RBM19: variants seen among roughly 807,000 people sequenced by gnomAD.
RBM19 encodes RNA binding motif protein 19.
In RBM19, 94 loss-of-function variants were observed where a neutral mutation model predicts 116.8. That is an observed-to-expected ratio of 0.80 (90% CI 0.68 to 0.95). RBM19 has a LOEUF of 0.95. Among genes scored for constraint, RBM19 ranks in the 40% least tolerant of loss-of-function variants. The pLI, the probability that RBM19 is intolerant of heterozygous loss-of-function variation, is 0.00. For missense variants in RBM19, 1,161 were observed against 1,220.7 expected (o/e 0.95, Z 0.73); for synonymous variants, 475 against 494.1 (o/e 0.96, Z 0.51).
At chr12:113,862,155 T>C (rs777941683) in intron 21 of RBM19, among the ~76,000 whole-genome samples, 14 of 152,230 alleles carry the variant, frequency 9.2e-5, no homozygotes, top group African/African-American at 1.4e-4. Context: ...GACACCATCA[T>C]TGCTGCCATC....
At chr12:113,819,704 C>T (rs1358631576), downstream of RBM19, among the ~76,000 whole-genome samples, 1 of 152,178 alleles carries the variant, frequency 6.6e-6, no homozygotes, top group African/African-American at 2.4e-5. Flanking sequence ...TGCCTTGGCT[C>T]AAAGGCTTAG....
In RBM19 at chr12:113,920,645, G is replaced by A. The variant is rs111824990; in HGVS notation, c.2351C>T (p.Pro784Leu). 2.7e-5 allele frequency: 43 copies of A among 1,613,844 alleles called. No homozygotes were observed. Among genetic ancestry groups the A allele is most frequent in the African/African-American group, 1.7e-4 (13 of 74,840 alleles). The change falls in exon 19 of 24, where the codon CCG (proline) becomes CTG (leucine). Residue 784 changes from proline (P) to leucine (L), a missense_variant. Pro to Leu is a moderately conservative substitution (Grantham distance 98). Coordinates refer to ENST00000261741, the MANE Select transcript of RBM19 (RefSeq NM_016196.4). ...MGFGFVEYRKPEQAQKALKQL... is the reference protein window; with the variant it reads ...MGFGFVEYRKLEQAQKALKQL... ...CTTGAGAGCTTTCTGGGCTTGCTCC[G>A]GCTTCCTGTATTCCACAAATCCAAA...
At chr12:113,838,452 G>A (rs552606437) in intron 23 of RBM19, among the ~76,000 whole-genome samples, 2 of 152,108 alleles carry the variant, frequency 1.3e-5, no homozygotes, top group Non-Finnish European at 2.9e-5. Flanking sequence ...GGGAGAACAT[G>A]CAAACAACAT....
chr12:113,868,531 CT>C (rs1218083607), intron 21 of RBM19, among the ~76,000 whole-genome samples: 1 of 152,182 alleles, frequency 6.6e-6, no homozygotes, highest in Admixed American at 6.5e-5. Flanking sequence ...GTTCAGCAAG[CT>C]TTTCTGCTGC....
At chr12:113,933,612 T>A (rs1439184364) in intron 16 of RBM19, among the ~76,000 whole-genome samples, 1 of 152,144 alleles carries the variant, frequency 6.6e-6, no homozygotes, top group African/African-American at 2.4e-5. Flanking sequence ...AGGTAGGGGC[T>A]GTTGGACACA....
intron 21 of RBM19, among the ~76,000 whole-genome samples, chr12:113,871,487 C>T (rs1472854578): frequency 6.6e-6 from 1 of 152,196 alleles, no homozygotes; most frequent in Non-Finnish European, 1.5e-5. Context: ...ATAATTTTAG[C>T]TTTGCGACTA....
At chr12:113,925,817 C>T (rs555985618) in intron 17 of RBM19, among the ~76,000 whole-genome samples, 3 of 152,218 alleles carry the variant, frequency 2.0e-5, no homozygotes, top group African/African-American at 7.2e-5. Flanking sequence ...AACAATGATC[C>T]CGGATAATGA....
chr12:113,945,095 T>C (rs1026502281), intron 13 of RBM19, among the ~76,000 whole-genome samples: 3 of 152,200 alleles, frequency 2.0e-5, no homozygotes, highest in African/African-American at 7.2e-5. Flanking sequence ...GCAAAATCTC[T>C]TGTAGTGGAT....
chr12:113,943,801 C>T (rs1442009665), intron 13 of RBM19, among the ~76,000 whole-genome samples: 1 of 151,960 alleles, frequency 6.6e-6, no homozygotes, highest in Non-Finnish European at 1.5e-5. Flanking sequence ...CCAGCCTGGG[C>T]AACAAGAGGA....
At chr12:113,888,526 A>G (rs190829338) in intron 21 of RBM19, among the ~76,000 whole-genome samples, 1 of 152,300 alleles carries the variant, frequency 6.6e-6, no homozygotes, top group Admixed American at 6.5e-5. Context: ...CGTATATTGT[A>G]TATGATTTTT....
At chr12:113,855,098 C>T (rs1278649757) in intron 22 of RBM19, among the ~76,000 whole-genome samples, 2 of 152,266 alleles carry the variant, frequency 1.3e-5, no homozygotes, top group Middle Eastern at 3.4e-3. Flanking sequence ...AGGATATGCA[C>T]AGTGGGACGT....
chr12:113,952,665 T>C (rs1871574488), intron 7 of RBM19, 75 bp from the exon 8 acceptor site: 1 of 1,191,444 alleles, frequency 8.4e-7, no homozygotes, highest in Non-Finnish European at 1.2e-6. Context: ...ATGGGGCAAA[T>C]TTCTAAATCA....
At chr12:113,895,247 C>G (rs935168613) in intron 21 of RBM19, among the ~76,000 whole-genome samples, 5 of 152,204 alleles carry the variant, frequency 3.3e-5, no homozygotes, top group South Asian at 2.1e-4. Flanking sequence ...GCAAGGTGGC[C>G]TGCCAGGAAG....
At position 113,879,113 on chromosome 12, in the gene RBM19, C is replaced by T. The variant is rs1322821335; in HGVS notation, c.2559-20217G>A. Among the ~76,000 whole-genome samples the T allele has an allele frequency of 2.0e-5, 3 of 152,144 alleles. No homozygotes were observed. In the South Asian group the frequency reaches 6.2e-4, roughly 31 times the overall value. Reference sequence around the variant, plus strand: ...CAGCGTTCTGCCCCTCCTGGCCACCCATCCTGCCCTGGGAGCTTGCTCAAT... The same window carrying T: ...CAGCGTTCTGCCCCTCCTGGCCACCTATCCTGCCCTGGGAGCTTGCTCAAT... On this transcript the variant is annotated intron_variant, in intron 21 of 23. Coordinates refer to ENST00000261741, the MANE Select transcript of RBM19 (RefSeq NM_016196.4).
chr12:113,889,799 C>T (rs765415511), intron 21 of RBM19, among the ~76,000 whole-genome samples: 4 of 151,678 alleles, frequency 2.6e-5, no homozygotes, highest in Non-Finnish European at 5.9e-5. Context: ...TGGAAAGAAA[C>T]ACATGTGGAA....
At chr12:113,876,373 C>A (rs901837395) in intron 21 of RBM19, among the ~76,000 whole-genome samples, 1 of 152,302 alleles carries the variant, frequency 6.6e-6, no homozygotes, top group East Asian at 1.9e-4. Context: ...CACTTGGCCT[C>A]GGCTTGCCCA....
intron 10 of RBM19, among the ~76,000 whole-genome samples, chr12:113,947,867 CT>C (rs61415724): frequency 0.16 from 24,947 of 152,170 alleles, 2,788 homozygotes; most frequent in African/African-American, 0.32. Context: ...GGTTTCAACT[CT>C]GAATGCCAGG....
intron 21 of RBM19, among the ~76,000 whole-genome samples, chr12:113,889,604 CCA>C (rs1312956882): frequency 1.3e-5 from 2 of 152,072 alleles, no homozygotes; most frequent in African/African-American, 4.8e-5. Context: ...TTCCTGATCA[CCA>C]CACATCTGCT....
At chr12:113,950,440 C>T (rs2135926865) in intron 8 of RBM19, among the ~76,000 whole-genome samples, 1 of 152,306 alleles carries the variant, frequency 6.6e-6, no homozygotes, top group African/African-American at 2.4e-5. Context: ...AAGCCTCACC[C>T]CCATCCCCCG....
Sources: gnomAD v4.1 joint callset for allele counts (sites outside exome capture counted in the v4.1 genomes callset) on GRCh38, gnomAD v4.1.1 for gene constraint, MANE v1.5 for transcripts, NCBI Gene and HGNC (gene_info 2026-07-23, HGNC 2026-07-21) for gene names.